The following BNC2 variants were observed in gnomAD, a reference collection of about 807,000 sequenced individuals.
BNC2 encodes the protein basonuclin zinc finger protein 2.
In BNC2, 20 loss-of-function variants were observed where a neutral mutation model predicts 76.3. The observed-to-expected ratio is 0.26, with a 90% CI of 0.18 to 0.38. The LOEUF (loss-of-function observed/expected upper bound fraction) is 0.38. BNC2 is among the 10% of genes least tolerant of loss of function. The pLI, the probability that BNC2 is intolerant of heterozygous loss-of-function variation, is 1.00. For synonymous variants in BNC2, 582 were observed against 514.8 expected, an observed-to-expected ratio of 1.13 and a Z score of -1.77; for missense variants, 1,382 against 1,399.8, an observed-to-expected ratio of 0.99 and a Z score of 0.20.
intron 1 of BNC2, among the ~76,000 whole-genome samples, chr9:16,856,120 AAAGT>A (rs1270300135): frequency 6.6e-6 from 1 of 152,154 alleles, no homozygotes. Context: ...TTGCAAAATG[AAAGT>A]ACATTAATGG....
At chr9:16,603,084 G>A (rs1365104464) in intron 3 of BNC2, among the ~76,000 whole-genome samples, 1 of 152,152 alleles carries the variant, frequency 6.6e-6, no homozygotes, top group Non-Finnish European at 1.5e-5. Context: ...AGATGCTGAT[G>A]GTTACCCTTT....
rs1028652892 is a variant in BNC2 at position 16,677,145 on chromosome 9, C to G, written c.330+50652G>C. Among the ~76,000 whole-genome samples, 3 of 152,164 alleles carry G rather than the reference C, an allele frequency of 2.0e-5. No homozygotes were observed. In the South Asian group the frequency reaches 6.2e-4, roughly 32 times the overall value. ...CTAGTAAAAGTAATTTACACAGTAACAACAATGCATTCACTATTAGCCAAA... is the reference window on the plus strand; with the variant it reads ...CTAGTAAAAGTAATTTACACAGTAAGAACAATGCATTCACTATTAGCCAAA... On this transcript the variant is annotated intron_variant, in intron 3 of 6. Coordinates refer to ENST00000380672, the MANE Select transcript of BNC2 (RefSeq NM_017637.6).
chr9:16,813,274 T>G (rs1056325513), intron 1 of BNC2, among the ~76,000 whole-genome samples: 8 of 151,798 alleles, frequency 5.3e-5, no homozygotes, highest in African/African-American at 9.7e-5. Context: ...CCATTTTTTT[T>G]TTTTGTTTTG....
At chr9:16,834,249 C>G (rs1471688491) in intron 1 of BNC2, among the ~76,000 whole-genome samples, 1 of 151,960 alleles carries the variant, frequency 6.6e-6, no homozygotes, top group East Asian at 1.9e-4. Context: ...TATTTAATTT[C>G]TACTCTTAAC....
At chr9:16,638,820 C>G (rs1821403127) in intron 3 of BNC2, among the ~76,000 whole-genome samples, 1 of 152,118 alleles carries the variant, frequency 6.6e-6, no homozygotes, top group Admixed American at 6.6e-5. Context: ...GAGTCTCTTT[C>G]TAAACGCACA....
intron 5 of BNC2, among the ~76,000 whole-genome samples, chr9:16,533,226 T>A (rs1196118596): frequency 6.6e-6 from 1 of 152,182 alleles, no homozygotes; most frequent in African/African-American, 2.4e-5. Flanking sequence ...ACATTAGATA[T>A]GACAAATGAA....
chr9:16,557,453 C>T lies in BNC2; in HGVS notation c.434-4688G>A, dbSNP rs532651016. Among the ~76,000 whole-genome samples the T allele has an allele frequency of 8.6e-5, 13 of 151,650 alleles. No homozygotes were observed. In the South Asian group the frequency reaches 2.7e-3, roughly 32 times the overall value. On this transcript the variant is annotated intron_variant, in intron 4 of 6. Transcript: ENST00000380672. Reference sequence around the variant, plus strand: ...GGCGAAGGTTGCAGTGAGCTGAGATCGTACCACTGCACTCTAGCCTGGGCG... The same window carrying T: ...GGCGAAGGTTGCAGTGAGCTGAGATTGTACCACTGCACTCTAGCCTGGGCG...
chr9:16,870,503 C>T, intron 1 of BNC2, 143 bp downstream of exon 1: 3 of 825,164 alleles, frequency 3.6e-6, no homozygotes, highest in Non-Finnish European at 5.5e-6. Flanking sequence ...GTCCCCGGCC[C>T]GCCCTCCTCA....
At chr9:16,774,993 T>A (rs1022574061) in intron 1 of BNC2, among the ~76,000 whole-genome samples, 1 of 152,204 alleles carries the variant, frequency 6.6e-6, no homozygotes, top group Admixed American at 6.5e-5. Context: ...AAAAAATACA[T>A]GTAATTACAA....
Position 16,870,629 on chromosome 9 carries a change from G to C in BNC2, c.3+17C>G. On this transcript the variant is annotated intron_variant, in intron 1 of 6. Transcript: ENST00000380672. The stretch of plus-strand genomic sequence containing the variant: ...GAAGTCTAGAATAAAAGAGGAAGGA[G>C]GGTGGAAACTTCTTACCATCTCGGC... 2.5e-6 allele frequency: 4 copies of C among 1,610,754 alleles called. No homozygotes were observed. The highest frequency in any genetic ancestry group is 3.4e-6 in the Non-Finnish European group (4 of 1,178,432).
At chr9:16,555,031 A>ATTATTATTTT (rs141205501) in intron 4 of BNC2, among the ~76,000 whole-genome samples, 2 of 151,386 alleles carry the variant, frequency 1.3e-5, no homozygotes, top group African/African-American at 4.9e-5. Flanking sequence ...ATTTTGTATT[A>ATTATTATTTT]TTTTTTAAGA....
At chr9:16,553,153 C>A (rs1818717062) in intron 4 of BNC2, among the ~76,000 whole-genome samples, 1 of 152,106 alleles carries the variant, frequency 6.6e-6, no homozygotes, top group Non-Finnish European at 1.5e-5. Flanking sequence ...CCACCAAAAA[C>A]AAAACAAAAC....
chr9:16,741,370 T>C (rs571701105), intron 1 of BNC2, among the ~76,000 whole-genome samples: 1 of 151,958 alleles, frequency 6.6e-6, no homozygotes, highest in Non-Finnish European at 1.5e-5. Context: ...GGAGAATCAC[T>C]TGAACCTGGG....
chr9:16,837,551 C>T (rs993692994), intron 1 of BNC2, among the ~76,000 whole-genome samples: 1 of 152,124 alleles, frequency 6.6e-6, no homozygotes, highest in Admixed American at 6.5e-5. Context: ...CTGGGAAGTC[C>T]TTGGTAGACT....
intron 3 of BNC2, among the ~76,000 whole-genome samples, chr9:16,637,247 T>C (rs1400984107): frequency 6.6e-6 from 1 of 152,158 alleles, no homozygotes; most frequent in African/African-American, 2.4e-5. Context: ...ATAAGACTCT[T>C]AAAGTGCCTA....
intron 5 of BNC2, among the ~76,000 whole-genome samples, chr9:16,477,075 A>C (rs1463772080): frequency 6.6e-6 from 1 of 152,142 alleles, no homozygotes; most frequent in Non-Finnish European, 1.5e-5. Context: ...ACAGGAAGAA[A>C]AGGAGCAAGA....
At chr9:16,588,651 ATGTT>A (rs1054511458) in intron 3 of BNC2, among the ~76,000 whole-genome samples, 20 of 152,228 alleles carry the variant, frequency 1.3e-4, no homozygotes, top group African/African-American at 4.8e-4. Context: ...AAACTAATCA[ATGTT>A]TGGTCAGTAA....
intron 3 of BNC2, among the ~76,000 whole-genome samples, chr9:16,593,061 T>C (rs897046202): frequency 6.6e-6 from 1 of 152,052 alleles, no homozygotes; most frequent in Admixed American, 6.6e-5. Context: ...GCAATATTAA[T>C]ATCAAAGTAT....
At chr9:16,668,314 C>T (rs541093700) in intron 3 of BNC2, among the ~76,000 whole-genome samples, 19 of 152,280 alleles carry the variant, frequency 1.2e-4, no homozygotes, top group African/African-American at 4.1e-4. Flanking sequence ...CCTGGCATAC[C>T]GCGGGAGCTC....
Sources: gnomAD v4.1 joint callset for allele counts (sites outside exome capture counted in the v4.1 genomes callset) on GRCh38, gnomAD v4.1.1 for gene constraint, MANE v1.5 for transcripts, NCBI Gene and HGNC (gene_info 2026-07-23, HGNC 2026-07-21) for gene names.